The following TAFA2 variants were observed in gnomAD, a reference collection of about 807,000 sequenced individuals.
TAFA2 encodes the protein TAFA chemokine like family member 2, also known as chemokine-like protein TAFA-2.
TAFA2 carries 7 observed loss-of-function variants against 18.8 expected under a neutral mutation model. The ratio of observed to expected loss-of-function variants is 0.37; its 90% confidence interval spans 0.21 to 0.70. TAFA2 has a LOEUF of 0.70. Ranked by LOEUF, TAFA2 falls within the 30% of genes least tolerant of loss-of-function variation. The probability of loss-of-function intolerance (pLI) is 0.53; values close to 1 mark genes in which losing one functional copy is unlikely to be tolerated. For synonymous variants in TAFA2, 60 were observed against 54.2 expected, an observed-to-expected ratio of 1.11 and a Z score of -0.47; for missense variants, 122 against 158.1, an observed-to-expected ratio of 0.77 and a Z score of 1.23.
At chr12:61,815,640 G>A (rs1262214729) in intron 2 of TAFA2, among the ~76,000 whole-genome samples, 1 of 150,230 alleles carries the variant, frequency 6.7e-6, no homozygotes, top group Non-Finnish European at 1.5e-5. Context: ...TCCAGCCTGG[G>A]AGACAGAGCA....
At chr12:61,736,345 T>C (rs1868304107) in intron 4 of TAFA2, among the ~76,000 whole-genome samples, 1 of 152,044 alleles carries the variant, frequency 6.6e-6, no homozygotes, top group Admixed American at 6.6e-5. Context: ...CAGTTTTCTT[T>C]TATGGGATGA....
intron 2 of TAFA2, among the ~76,000 whole-genome samples, chr12:61,832,089 C>A (rs1351653891): frequency 6.6e-6 from 1 of 152,024 alleles, no homozygotes; most frequent in Non-Finnish European, 1.5e-5. Context: ...TGTGATCTTG[C>A]CACTCAATCA....
At chr12:62,256,485 C>T (rs893347685) in intron 1 of TAFA2, among the ~76,000 whole-genome samples, 3 of 152,158 alleles carry the variant, frequency 2.0e-5, no homozygotes, top group African/African-American at 7.2e-5. Flanking sequence ...TTTACATTAG[C>T]TGTATCTAAC....
intron 4 of TAFA2, among the ~76,000 whole-genome samples, chr12:61,732,815 C>T (rs935940910): frequency 6.6e-6 from 1 of 151,730 alleles, no homozygotes; most frequent in Admixed American, 6.6e-5. Context: ...TTTCAGCTGA[C>T]TGATGGGAGA....
chr12:62,189,849 C>T (rs1920091), intron 1 of TAFA2, among the ~76,000 whole-genome samples: 135,223 of 152,066 alleles, frequency 0.89, 60,238 homozygotes, highest in Middle Eastern at 0.93. Context: ...TCAATAGTAA[C>T]TGAAATTCAT....
chr12:62,068,607 G>C (rs927458800), intron 1 of TAFA2, among the ~76,000 whole-genome samples: 1 of 151,752 alleles, frequency 6.6e-6, no homozygotes, highest in Non-Finnish European at 1.5e-5. Context: ...TCATCAGAGG[G>C]GCTCACATTC....
intron 1 of TAFA2, among the ~76,000 whole-genome samples, chr12:62,080,722 G>A (rs1868305133): frequency 1.3e-5 from 2 of 152,034 alleles, no homozygotes; most frequent in South Asian, 2.1e-4. Flanking sequence ...GTATGAAATA[G>A]TCATAAATAC....
intron 1 of TAFA2, among the ~76,000 whole-genome samples, chr12:62,030,829 CAATA>C (rs1322487239): frequency 6.6e-6 from 1 of 152,010 alleles, no homozygotes; most frequent in African/African-American, 2.4e-5. Context: ...AAATTTGTCT[CAATA>C]AATTCAAAGC....
At chr12:62,069,388 C>T (rs921882659) in intron 1 of TAFA2, among the ~76,000 whole-genome samples, 2 of 152,172 alleles carry the variant, frequency 1.3e-5, no homozygotes, top group African/African-American at 4.8e-5. Flanking sequence ...GCCCTATACA[C>T]ACCACATAAT....
At chr12:62,006,686 T>C (rs1880563393) in intron 1 of TAFA2, among the ~76,000 whole-genome samples, 1 of 152,176 alleles carries the variant, frequency 6.6e-6, no homozygotes, top group Non-Finnish European at 1.5e-5. Flanking sequence ...GTCAATAGTT[T>C]ATCAGCTTCA....
intron 1 of TAFA2, among the ~76,000 whole-genome samples, chr12:62,137,845 C>A (rs1870961053): frequency 6.6e-6 from 1 of 152,116 alleles, no homozygotes; most frequent in Non-Finnish European, 1.5e-5. Flanking sequence ...CCTGCAATGG[C>A]TCTCCAACAT....
intron 2 of TAFA2, among the ~76,000 whole-genome samples, chr12:61,785,319 TTGTGTGTGTGTGTGTGTGTG>T (rs57166010): frequency 7.1e-6 from 1 of 140,084 alleles, no homozygotes; most frequent in Non-Finnish European, 1.6e-5. Flanking sequence ...AATAGTATTC[TTGTGTGTGTGTGTGTGTGTG>T]TGTGTGTGTG....
At position 61,867,306 on chromosome 12, in the gene TAFA2, A is replaced by C. The variant is rs1194964319; in HGVS notation, c.106+14T>G. 32 of 1,528,504 alleles carry C rather than the reference A, an allele frequency of 2.1e-5. No individual in the cohort carries two copies. Among genetic ancestry groups the C allele is most frequent in the Non-Finnish European group, 2.8e-5 (31 of 1,117,200 alleles). The allele number at this position is 1,528,504 out of a possible 1,614,324, so 94.7% of individuals were successfully genotyped here. On this transcript the variant is annotated intron_variant, in intron 2 of 4. Transcript: ENST00000416284. ...CATCCACATTTAGTTGAAAAAAAAA[A>C]CAGAAAAGCTTACCTTTATGATGGT...
intron 1 of TAFA2, among the ~76,000 whole-genome samples, chr12:62,052,018 G>A (rs1292969905): frequency 6.6e-6 from 1 of 152,068 alleles, no homozygotes; most frequent in African/African-American, 2.4e-5. Context: ...AACTTTAATT[G>A]CAAAAGGCAG....
chr12:62,209,712 G>A (rs1012151616), intron 1 of TAFA2, among the ~76,000 whole-genome samples: 1 of 152,180 alleles, frequency 6.6e-6, no homozygotes, highest in African/African-American at 2.4e-5. Context: ...CTATTTAACT[G>A]CACTTTGAAG....
At chr12:62,195,741 C>T (rs746721236), upstream of TAFA2, among the ~76,000 whole-genome samples, 1 of 152,156 alleles carries the variant, frequency 6.6e-6, no homozygotes, top group African/African-American at 2.4e-5. Flanking sequence ...CTTTCTTTTT[C>T]CATTTATAAA....
At chr12:62,216,179 C>T (rs780031249) in intron 1 of TAFA2, among the ~76,000 whole-genome samples, 48 of 152,324 alleles carry the variant, frequency 3.2e-4, no homozygotes, top group South Asian at 2.1e-4. Context: ...TGGCCAAGTG[C>T]TATCCAATTG....
intron 1 of TAFA2, chr12:61,879,548 A>G: frequency 1.4e-6 from 1 of 730,976 alleles, no homozygotes; most frequent in Non-Finnish European, 2.5e-6. Context: ...AGGCCCCTTA[A>G]CCTGGAGGTG....
chr12:62,234,628 G>T, intron 1 of TAFA2: 1 of 831,670 alleles, frequency 1.2e-6, no homozygotes. Flanking sequence ...TCACCCATGT[G>T]CTTGCACTGG....
Sources: gnomAD v4.1 joint callset for allele counts (sites outside exome capture counted in the v4.1 genomes callset) on GRCh38, gnomAD v4.1.1 for gene constraint, MANE v1.5 for transcripts, NCBI Gene and HGNC (gene_info 2026-07-23, HGNC 2026-07-21) for gene names.